Variants in RHOBTB1 observed in about 807,000 individuals in gnomAD.
The protein encoded by RHOBTB1 is Rho related BTB domain containing 1, also known as rho-related BTB domain-containing protein 1.
RHOBTB1 carries 40 observed loss-of-function variants against 71.6 expected under a neutral mutation model. That is an observed-to-expected ratio of 0.56 (90% CI 0.43 to 0.73). The LOEUF is 0.73. Among genes scored for constraint, RHOBTB1 ranks in the 30% least tolerant of loss-of-function variants. The pLI is 0.00. For synonymous variants in RHOBTB1, 319 were observed against 334.9 expected (o/e 0.95, Z 0.52); for missense variants, 797 against 894.0 (o/e 0.89, Z 1.38).
At chr10:60,865,925 G>A (rs905339703), downstream of RHOBTB1, among the ~76,000 whole-genome samples, 6 of 152,038 alleles carry the variant, frequency 3.9e-5, no homozygotes, top group Non-Finnish European at 7.4e-5. Flanking sequence ...TCTGCCTCCC[G>A]GGCCCAAGCA....
intron 8 of RHOBTB1, among the ~76,000 whole-genome samples, chr10:60,875,707 T>C (rs905406863): frequency 2.0e-5 from 3 of 152,228 alleles, no homozygotes; most frequent in African/African-American, 7.2e-5. Context: ...TTGTTCAGCC[T>C]CTTGGATTCT....
intron 5 of RHOBTB1, among the ~76,000 whole-genome samples, chr10:60,890,622 C>T (rs1432356836): frequency 6.6e-6 from 1 of 152,164 alleles, no homozygotes; most frequent in Non-Finnish European, 1.5e-5. Context: ...AACACACACC[C>T]TTAGGAACTT....
At chr10:60,971,559 G>A (rs1204424147) in intron 2 of RHOBTB1, among the ~76,000 whole-genome samples, 21 of 152,112 alleles carry the variant, frequency 1.4e-4, no homozygotes, top group Admixed American at 1.4e-3. Context: ...ATGGATTAAA[G>A]ACTTAAACAT....
At chr10:60,985,345 T>C (rs1395670545) in intron 2 of RHOBTB1, among the ~76,000 whole-genome samples, 3 of 152,210 alleles carry the variant, frequency 2.0e-5, no homozygotes, top group Non-Finnish European at 4.4e-5. Flanking sequence ...TCACTTGGGA[T>C]GACTCTAGTT....
Position 60,870,839 on chromosome 10 carries a change from A to G in RHOBTB1, c.*643T>C, listed in dbSNP as rs2080744467. 6.5e-6 allele frequency: 1 copy of G among 152,698 alleles called. No individual in the cohort carries two copies. The highest frequency in any genetic ancestry group is 1.5e-5 in the Non-Finnish European group (1 of 68,062). The allele number at this position is 152,698 out of a possible 1,614,324, so 9.5% of individuals were successfully genotyped here. A position where few individuals can be genotyped will look rare whatever the true frequency, so the allele number is the denominator to read the frequency against. ...TTTTACATGGCACATATAACCATAT[A>G]ATTACCAGCACTTAACATGGCAAAT... On this transcript the variant is annotated 3_prime_UTR_variant, in exon 11 of 11. Transcript: ENST00000337910.
intron 2 of RHOBTB1, among the ~76,000 whole-genome samples, chr10:60,931,937 C>T (rs1257093353): frequency 6.6e-6 from 1 of 152,112 alleles, no homozygotes; most frequent in Non-Finnish European, 1.5e-5. Context: ...AAAAGGAATA[C>T]TTATGGTAAC....
chr10:60,861,271 T>A, the RHOBTB1 span, among the ~76,000 whole-genome samples: 4 of 152,212 alleles, frequency 2.6e-5, no homozygotes, highest in Non-Finnish European at 5.9e-5. Flanking sequence ...ACAAAACATC[T>A]AGAACTTCAT....
intron 2 of RHOBTB1, among the ~76,000 whole-genome samples, chr10:60,931,728 C>T (rs2084268472): frequency 6.6e-6 from 1 of 151,784 alleles, no homozygotes; most frequent in African/African-American, 2.4e-5. Flanking sequence ...GCATAGAGAG[C>T]CTGCTAAACC....
intron 7 of RHOBTB1, among the ~76,000 whole-genome samples, chr10:60,884,944 G>T (rs963785998): frequency 2.6e-5 from 4 of 151,862 alleles, no homozygotes; most frequent in Admixed American, 6.6e-5. Flanking sequence ...TTAGAGACAG[G>T]TTCTCACTCT....
rs760124558 is a variant in RHOBTB1 at position 60,886,184 on chromosome 10, C to A, written c.1503G>T (p.Pro501=). Residue 501 remains proline (P), a synonymous_variant, in exon 7 of 11, where the codon CCG becomes CCT. Coordinates refer to ENST00000337910, the MANE Select transcript of RHOBTB1 (RefSeq NM_014836.5). ...LDDGAISAHK[P]LLICSCEWMA... ...TCCACTCACAGCTACAGATCAGCAG[C>A]GGCTTGTGGGCACTGATGGCTCCAT... 1.5e-5 allele frequency: 24 copies of A among 1,613,942 alleles called. No homozygotes were observed. The highest frequency in any genetic ancestry group is 1.9e-5 in the Non-Finnish European group (23 of 1,179,958).
At chr10:60,909,550 C>T (rs2082861008) in intron 4 of RHOBTB1, among the ~76,000 whole-genome samples, 1 of 152,114 alleles carries the variant, frequency 6.6e-6, no homozygotes, top group South Asian at 2.1e-4. Flanking sequence ...ATCAAGCTTC[C>T]TCAAAACCAT....
chr10:60,946,642 T>C (rs2085247704), upstream of RHOBTB1, among the ~76,000 whole-genome samples: 1 of 152,206 alleles, frequency 6.6e-6, no homozygotes. Context: ...ACAGCCTGCT[T>C]TTCCTCAGTT....
intron 4 of RHOBTB1, among the ~76,000 whole-genome samples, chr10:60,897,171 A>T (rs1275140821): frequency 6.6e-6 from 1 of 152,206 alleles, no homozygotes; most frequent in African/African-American, 2.4e-5. Flanking sequence ...TTGAACAGCA[A>T]AATACCACAC....
intron 2 of RHOBTB1, among the ~76,000 whole-genome samples, chr10:60,920,604 T>C (rs1032302689): frequency 6.6e-6 from 1 of 151,454 alleles, no homozygotes; most frequent in Non-Finnish European, 1.5e-5. Flanking sequence ...AGCAGAAGTG[T>C]GGTAGGTTCT....
intron 2 of RHOBTB1, among the ~76,000 whole-genome samples, chr10:60,937,531 G>A (rs115569032): frequency 2.5e-3 from 383 of 152,268 alleles, no homozygotes; most frequent in African/African-American, 8.8e-3. Context: ...TAGAAAACAC[G>A]TTAGCTACTT....
chr10:60,931,587 A>T (rs937067374), intron 2 of RHOBTB1, among the ~76,000 whole-genome samples: 2 of 152,178 alleles, frequency 1.3e-5, no homozygotes, highest in Admixed American at 1.3e-4. Flanking sequence ...TTAGCTTTTT[A>T]AAAAACTAAT....
In RHOBTB1 at chr10:60,890,737, G is replaced by A. The variant is rs140919011; in HGVS notation, c.483-1552C>T. Among the ~76,000 whole-genome samples, 12 of 152,188 alleles carry A rather than the reference G, an allele frequency of 7.9e-5. No individual in the cohort carries two copies. The East Asian group carries it at 1.5e-3, about 20-fold the overall frequency. ...ATACTGGATAGAATTTGGATTTGAC[G>A]ACTTAGATGAAAAGGAGGGAAAATT... is the stretch of plus-strand genomic sequence containing the variant. On this transcript the variant is annotated intron_variant, in intron 5 of 10. Transcript: ENST00000337910.
chr10:60,870,138 G>C lies in RHOBTB1; in HGVS notation c.*1344C>G, dbSNP rs1349063754. 2.0e-5 allele frequency: 3 copies of C among 152,504 alleles called. No homozygotes were observed. Among genetic ancestry groups the C allele is most frequent in the Non-Finnish European group, 2.9e-5 (2 of 68,030 alleles). 9.4% of individuals were successfully genotyped at this position (152,504 alleles called of 1,614,324 possible). On this transcript the variant is annotated 3_prime_UTR_variant, in exon 11 of 11. Transcript: ENST00000337910. ...GAGCTGTGGCCTTGAAATGCTCTCT[G>C]TGTGTGTATGTGTGTGCTGTAACAT...
At chr10:60,868,450 T>C (rs931627905), downstream of RHOBTB1, among the ~76,000 whole-genome samples, 4 of 152,232 alleles carry the variant, frequency 2.6e-5, no homozygotes, top group African/African-American at 9.6e-5. Context: ...AGATTCACTT[T>C]GTTTTTTCCC....
Sources: allele counts gnomAD v4.1 joint callset (sites outside exome capture counted in the v4.1 genomes callset), GRCh38; gene constraint gnomAD v4.1.1; transcripts MANE v1.5; gene names NCBI Gene and HGNC (gene_info 2026-07-23, HGNC 2026-07-21).